The following TRPM8 variants were observed in gnomAD, a reference collection of about 807,000 sequenced individuals.
TRPM8 encodes the protein TRPM8 cationic channel.
Under a neutral mutation model 133.7 loss-of-function variants are expected in TRPM8, and 110 were observed. That is an observed-to-expected ratio of 0.82 (90% CI 0.70 to 0.96). TRPM8 has a LOEUF of 0.96. Among genes scored for constraint, TRPM8 ranks in the 40% least tolerant of loss-of-function variants. The pLI is 0.00. For synonymous variants in TRPM8, 535 were observed against 532.3 expected (o/e 1.01, Z -0.07); for missense variants, 1,291 against 1,379.5 (o/e 0.94, Z 1.02).
intron 20 of TRPM8, 95 bp downstream of exon 20, chr2:233,983,319 G>A (rs1692061477): frequency 7.1e-7 from 1 of 1,407,630 alleles, no homozygotes; most frequent in Non-Finnish European, 1.0e-6. Context: ...CACTTCAGAA[G>A]CACGCGCGTG....
intron 9 of TRPM8, among the ~76,000 whole-genome samples, chr2:233,952,099 C>G (rs1691183366): frequency 6.6e-6 from 1 of 152,184 alleles, no homozygotes; most frequent in South Asian, 2.1e-4. Flanking sequence ...ATCAACCAAT[C>G]TAGATATCAT....
intron 22 of TRPM8, among the ~76,000 whole-genome samples, chr2:234,004,734 C>T (rs1692651893): frequency 6.6e-6 from 1 of 152,110 alleles, no homozygotes; most frequent in Admixed American, 6.6e-5. Context: ...TAGAAAAGCA[C>T]AAATAAAGAT....
Position 233,949,949 on chromosome 2 carries a change from G to A in TRPM8, c.943G>A (p.Ala315Thr). 6.2e-7 allele frequency: 1 copy of A among 1,613,960 alleles called. No homozygotes were observed. Reference sequence around the variant, plus strand: ...GTCTGACTCTGTCTCCTTCCTCCAGGCCATCAATACCTCCATCAAAAATAA... The same window carrying A: ...GTCTGACTCTGTCTCCTTCCTCCAGACCATCAATACCTCCATCAAAAATAA... ...AQGGGKETLKAINTSIKNKIP... is the reference protein window; with the variant it reads ...AQGGGKETLKTINTSIKNKIP... The change falls in exon 9 of 26, where the codon GCC becomes ACC. Residue 315 changes from alanine to threonine, a missense_variant and splice_region_variant. This residue lies in a region of TRPM8 where 963 missense variants were observed against 968.9 expected (regional missense o/e 0.99). Transcript: ENST00000324695.
At chr2:233,980,613 C>T (rs1212088809) in intron 18 of TRPM8, among the ~76,000 whole-genome samples, 9 of 152,178 alleles carry the variant, frequency 5.9e-5, no homozygotes, top group Non-Finnish European at 1.2e-4. Flanking sequence ...AGGGATCCAC[C>T]TGCCTCAGCC....
intron 14 of TRPM8, 25 bp downstream of exon 14, chr2:233,964,782 T>C (rs931789010): frequency 6.3e-7 from 1 of 1,586,076 alleles, no homozygotes; most frequent in Non-Finnish European, 8.6e-7. Context: ...TGGAATGCTG[T>C]GGTGGGCGCG....
chr2:233,984,628 C>A (rs937117524), intron 20 of TRPM8, among the ~76,000 whole-genome samples: 1 of 152,294 alleles, frequency 6.6e-6, no homozygotes, highest in South Asian at 2.1e-4. Flanking sequence ...CCATCCTCGT[C>A]GCTTGCCTGC....
At chr2:233,953,723 G>A (rs1030128875) in intron 9 of TRPM8, 194 bp from the exon 10 acceptor site, 2 of 438,606 alleles carry the variant, frequency 4.6e-6, no homozygotes, top group African/African-American at 2.0e-5. Flanking sequence ...TTTGATAGGG[G>A]CTTTTTGATA....
chr2:233,938,789 A>G (rs1448526018), intron 4 of TRPM8, among the ~76,000 whole-genome samples: 2 of 152,006 alleles, frequency 1.3e-5, no homozygotes, highest in Non-Finnish European at 1.5e-5. Context: ...TCGGGCCCCA[A>G]GATTTATTTT....
intron 22 of TRPM8, among the ~76,000 whole-genome samples, chr2:234,005,970 A>ACACACACACACACAC (rs1574787832): frequency 6.6e-6 from 1 of 151,422 alleles, no homozygotes. Context: ...ACACACACAG[A>ACACACACACACACAC]ATTTGCTTAA....
chr2:233,936,147 T>C (rs2125073106), intron 3 of TRPM8, among the ~76,000 whole-genome samples: 1 of 152,208 alleles, frequency 6.6e-6, no homozygotes, highest in South Asian at 2.1e-4. Flanking sequence ...AGGAGGTGTT[T>C]TGTTTGTTTC....
chr2:233,942,856 G>C, intron 6 of TRPM8, 108 bp downstream of exon 6: 3 of 1,371,156 alleles, frequency 2.2e-6, no homozygotes, highest in Non-Finnish European at 3.1e-6. Flanking sequence ...CCAGATCATG[G>C]GGAAGTCTGC....
intron 17 of TRPM8, among the ~76,000 whole-genome samples, chr2:233,972,475 T>C (rs1191127979): frequency 6.6e-6 from 1 of 152,228 alleles, no homozygotes; most frequent in Non-Finnish European, 1.5e-5. Context: ...CCCGCACTCC[T>C]CAGCCCTTGG....
chr2:233,993,149 T>C (rs575960915), intron 21 of TRPM8, among the ~76,000 whole-genome samples: 1 of 152,348 alleles, frequency 6.6e-6, no homozygotes, highest in Admixed American at 6.5e-5. Context: ...AAAACGGCTT[T>C]TGGGTATTAA....
chr2:233,991,608 T>A (rs191039552), intron 21 of TRPM8, among the ~76,000 whole-genome samples: 1 of 152,366 alleles, frequency 6.6e-6, no homozygotes, highest in East Asian at 1.9e-4. Context: ...GTTTCTTGTA[T>A]TTCAGTGTAT....
At chr2:233,926,739 A>G in intron 2 of TRPM8, 85 bp downstream of exon 2, 1 of 1,021,308 alleles carries the variant, frequency 9.8e-7, no homozygotes. Flanking sequence ...ATTGACTTTT[A>G]GAACATTTTA....
rs1283528584 is a variant in TRPM8 at position 233,950,034 on chromosome 2, TG to T, written c.1030del (p.Glu344ArgfsTer6). 1 of 1,614,130 alleles carries T rather than the reference TG, an allele frequency of 6.2e-7. No homozygotes were observed. ...GQIADVIASL[V>X]EVEDALTSSA... ...ATCGCTGATGTGATCGCTAGCCTGGTGGAGGTGGAGGATGCCCTGACATCTT... is the reference window on the plus strand; with the variant it reads ...ATCGCTGATGTGATCGCTAGCCTGGTGAGGTGGAGGATGCCCTGACATCTT... On this transcript the variant is annotated frameshift_variant, in exon 9 of 26. Transcript: ENST00000324695. LOFTEE classifies it high-confidence loss of function.
At chr2:233,981,052 A>T (rs527443047) in intron 18 of TRPM8, among the ~76,000 whole-genome samples, 2 of 152,218 alleles carry the variant, frequency 1.3e-5, no homozygotes, top group South Asian at 2.1e-4. Flanking sequence ...TCAATTTTTT[A>T]AAAAATATAA....
chr2:234,014,312 G>T (rs1358467234), intron 24 of TRPM8, among the ~76,000 whole-genome samples: 3 of 152,016 alleles, frequency 2.0e-5, no homozygotes, highest in Non-Finnish European at 4.4e-5. Flanking sequence ...TAATGATTTG[G>T]ATCTGAGTAA....
chr2:233,971,128 T>C (rs1191799569), intron 17 of TRPM8, among the ~76,000 whole-genome samples: 1 of 152,240 alleles, frequency 6.6e-6, no homozygotes, highest in African/African-American at 2.4e-5. Context: ...ACTACTGTTG[T>C]TGTCGTCACT....
Sources: gnomAD v4.1 joint callset for allele counts (sites outside exome capture counted in the v4.1 genomes callset) on GRCh38, gnomAD v4.1.1 for gene constraint, gnomAD v4.1.1 regional missense constraint, MANE v1.5 for transcripts, NCBI Gene and HGNC (gene_info 2026-07-23, HGNC 2026-07-21) for gene names.